The following NCKAP1 variants were observed in gnomAD, a reference collection of about 807,000 sequenced individuals.
NCKAP1 encodes the protein nck-associated protein 1.
A neutral mutation model predicts 151.2 loss-of-function variants in NCKAP1; 21 were observed. The ratio of observed to expected loss-of-function variants is 0.14; its 90% CI spans 0.10 to 0.20. The LOEUF (loss-of-function observed/expected upper bound fraction) is 0.20, where lower values mean the gene tolerates loss of function less well. NCKAP1 is among the 10% of genes least tolerant of loss of function. The probability of loss-of-function intolerance (pLI) is 1.00; values close to 1 mark genes in which losing one functional copy is unlikely to be tolerated. For synonymous variants in NCKAP1, 484 were observed against 451.8 expected, an observed-to-expected ratio of 1.07 and a Z score of -0.90; for missense variants, 933 against 1,352.1, an observed-to-expected ratio of 0.69 and a Z score of 4.86.
At chr2:182,953,740 G>C (rs914007654) in intron 20 of NCKAP1, among the ~76,000 whole-genome samples, 16 of 152,106 alleles carry the variant, frequency 1.1e-4, no homozygotes, top group African/African-American at 3.6e-4. Flanking sequence ...AGAGGTTGCA[G>C]TGAGCTGAGA....
Position 182,953,330 on chromosome 2 carries a change from A to C in NCKAP1, c.2155T>G (p.Ser719Ala). The change falls in exon 21 of 31, where the codon TCA (serine) becomes GCA (alanine). Residue 719 changes from serine to alanine, a missense_variant and splice_region_variant. Physicochemically the swap from Ser to Ala is moderately conservative, Grantham distance 99. Coordinates refer to ENST00000361354, the MANE Select transcript of NCKAP1 (RefSeq NM_013436.5). ...TSHLEIRFTKSIVGMTMYNQA... is the reference protein window; with the variant it reads ...TSHLEIRFTKAIVGMTMYNQA... ...TTATACATAGTCATCCCAACAATTG[A>C]CCTGGGAAGAAGGGATAGAAGAATA... 2 of 1,606,732 alleles carry C rather than the reference A, an allele frequency of 1.2e-6. No homozygotes were observed. The highest frequency in any genetic ancestry group is 8.5e-7 in the Non-Finnish European group (1 of 1,174,692).
intron 2 of NCKAP1, among the ~76,000 whole-genome samples, chr2:183,005,231 G>T: frequency 6.6e-6 from 1 of 152,252 alleles, no homozygotes; most frequent in Non-Finnish European, 1.5e-5. Context: ...AAGATATGAA[G>T]GGTATAATTT....
At chr2:183,007,274 A>T (rs898679550) in intron 2 of NCKAP1, among the ~76,000 whole-genome samples, 5 of 152,352 alleles carry the variant, frequency 3.3e-5, no homozygotes, top group African/African-American at 1.2e-4. Flanking sequence ...GCTATGGGTC[A>T]TTATTCTAAA....
chr2:183,018,121 C>T (rs1409892341), intron 2 of NCKAP1, among the ~76,000 whole-genome samples: 2 of 152,128 alleles, frequency 1.3e-5, no homozygotes, highest in East Asian at 3.9e-4. Flanking sequence ...GTGGCAGGCA[C>T]CTGTAATCCC....
chr2:182,943,293 A>G (rs577424432), intron 23 of NCKAP1, among the ~76,000 whole-genome samples: 8 of 152,266 alleles, frequency 5.3e-5, no homozygotes, highest in African/African-American at 1.7e-4. Flanking sequence ...GATTTAAGGG[A>G]AAAAAACTAC....
rs553717359 is a variant in NCKAP1 at position 182,916,284 on chromosome 2, G to A, written c.*9418C>T. On this transcript the variant is annotated 3_prime_UTR_variant, in exon 31 of 31. Transcript: ENST00000361354. ...TGATGCTTCTCCACAGGAACAAAAAGAAACAGAACCACTTGTTCCCAACAT... is the reference window on the plus strand; with the variant it reads ...TGATGCTTCTCCACAGGAACAAAAAAAAACAGAACCACTTGTTCCCAACAT... 6.7e-6 allele frequency: 1 copy of A among 149,450 alleles called. No homozygotes were observed. Among genetic ancestry groups the A allele is most frequent in the African/African-American group, 2.5e-5 (1 of 40,704 alleles). The allele number at this position is 149,450 out of a possible 1,614,324, so 9.3% of individuals were successfully genotyped here.
chr2:182,910,130 T>C lies in NCKAP1; in HGVS notation c.*15572A>G, dbSNP rs114763302. On this transcript the variant is annotated 3_prime_UTR_variant, in exon 31 of 31. Transcript: ENST00000361354. ...GCTCTTTAACTGGTTCAGACTCTAC[T>C]ATCTTGGAGGACTGCAGGTGCCCTG... 3.2e-4 allele frequency: 49 copies of C among 152,380 alleles called. No individual in the cohort carries two copies. The highest frequency in any genetic ancestry group is 1.2e-3 in the African/African-American group (49 of 41,582). The allele number at this position is 152,380 out of a possible 1,614,324, so 9.4% of individuals were successfully genotyped here.
chr2:182,953,664 G>C (rs1244523119), intron 20 of NCKAP1, among the ~76,000 whole-genome samples: 1 of 152,096 alleles, frequency 6.6e-6, no homozygotes, highest in Non-Finnish European at 1.5e-5. Context: ...AGCTGGGCCT[G>C]GCACATGCCT....
intron 1 of NCKAP1, among the ~76,000 whole-genome samples, chr2:183,037,023 C>A (rs1003749214): frequency 6.6e-6 from 1 of 152,142 alleles, no homozygotes; most frequent in South Asian, 2.1e-4. Context: ...AACTTACCAA[C>A]CTTGCCTTAA....
intron 4 of NCKAP1, among the ~76,000 whole-genome samples, chr2:183,002,493 T>G (rs1413672094): frequency 6.6e-6 from 1 of 152,120 alleles, no homozygotes; most frequent in Non-Finnish European, 1.5e-5. Context: ...AAAGAGCTTG[T>G]GATCACTATA....
intron 2 of NCKAP1, 49 bp downstream of exon 2, chr2:183,023,757 C>G: frequency 6.9e-7 from 1 of 1,442,936 alleles, no homozygotes; most frequent in Non-Finnish European, 9.7e-7. Flanking sequence ...ACCACTGTTT[C>G]TCTAAAAGAT....
Position 182,922,962 on chromosome 2 carries a change from C to CGA in NCKAP1, c.*2738_*2739dup, listed in dbSNP as rs1696575867. ...CCGGGAGGCGGAGGTTACAGTGAGC[C>CGA]GAGATCAGGCCATTGCCCATTTCCT... On this transcript the variant is annotated 3_prime_UTR_variant, in exon 31 of 31. Coordinates refer to ENST00000361354, the MANE Select transcript of NCKAP1 (RefSeq NM_013436.5). The CGA allele has an allele frequency of 6.6e-6, 1 of 152,182 alleles. No homozygotes were observed. Among genetic ancestry groups the CGA allele is most frequent in the African/African-American group, 2.4e-5 (1 of 41,436 alleles). 9.4% of individuals were successfully genotyped at this position (152,182 alleles called of 1,614,324 possible).
intron 23 of NCKAP1, among the ~76,000 whole-genome samples, chr2:182,948,274 AAAGTC>A (rs1425820232): frequency 2.0e-5 from 3 of 152,132 alleles, no homozygotes; most frequent in Non-Finnish European, 4.4e-5. Flanking sequence ...GGTAAAATGA[AAAGTC>A]AAGTAAGAAA....
At chr2:182,946,590 T>C (rs1697111438) in intron 23 of NCKAP1, among the ~76,000 whole-genome samples, 1 of 149,180 alleles carries the variant, frequency 6.7e-6, no homozygotes, top group Non-Finnish European at 1.5e-5. Flanking sequence ...GAACGTAAAA[T>C]AGAAGTTGGA....
At chr2:182,990,042 G>A (rs1698136841) in intron 8 of NCKAP1, among the ~76,000 whole-genome samples, 1 of 150,918 alleles carries the variant, frequency 6.6e-6, no homozygotes, top group Non-Finnish European at 1.5e-5. Flanking sequence ...CATACATAAA[G>A]AGAATCTACT....
intron 1 of NCKAP1, among the ~76,000 whole-genome samples, chr2:183,026,488 A>T (rs555667296): frequency 4.7e-4 from 63 of 133,030 alleles, no homozygotes; most frequent in African/African-American, 1.8e-3. Flanking sequence ...ACTAAAAACT[A>T]AAAAAAAAAA....
At chr2:182,980,585 T>C (rs1274642838) in intron 13 of NCKAP1, among the ~76,000 whole-genome samples, 3 of 151,982 alleles carry the variant, frequency 2.0e-5, no homozygotes, top group Non-Finnish European at 2.9e-5. Flanking sequence ...ATGAAAAATA[T>C]TGAATAAATA....
chr2:182,928,376 A>G, intron 28 of NCKAP1, 150 bp from the exon 29 acceptor site: 1 of 567,550 alleles, frequency 1.8e-6, no homozygotes, highest in Non-Finnish European at 3.1e-6. Flanking sequence ...TTTGACTTTC[A>G]TGAACACTGA....
At chr2:182,940,897 C>A (rs1696982406) in intron 24 of NCKAP1, among the ~76,000 whole-genome samples, 1 of 152,226 alleles carries the variant, frequency 6.6e-6, no homozygotes, top group South Asian at 2.1e-4. Context: ...CTGGCAACCA[C>A]AGATCTGTCC....
Sources: gnomAD v4.1 joint callset for allele counts (sites outside exome capture counted in the v4.1 genomes callset) on GRCh38, gnomAD v4.1.1 for gene constraint, MANE v1.5 for transcripts, NCBI Gene and HGNC (gene_info 2026-07-23, HGNC 2026-07-21) for gene names.